Variants in CMYA5 observed in about 807,000 individuals in gnomAD.
CMYA5 encodes the protein cardiomyopathy associated 5.
Under a neutral mutation model 318.9 loss-of-function variants are expected in CMYA5, and 246 were observed. The ratio of observed to expected loss-of-function variants is 0.77; its 90% CI spans 0.70 to 0.86. The LOEUF is 0.86. Among genes scored for constraint, CMYA5 ranks in the 40% least tolerant of loss-of-function variants. The pLI, the probability that CMYA5 is intolerant of heterozygous loss-of-function variation, is 0.00. For synonymous variants in CMYA5, 1,641 were observed against 1,729.5 expected (o/e 0.95, Z 1.27); for missense variants, 4,589 against 4,678.2 (o/e 0.98, Z 0.56).
intron 2 of CMYA5, among the ~76,000 whole-genome samples, chr5:79,739,893 G>A (rs1050512859): frequency 1.3e-5 from 2 of 152,090 alleles, no homozygotes; most frequent in Admixed American, 6.6e-5. Context: ...TGAGGTGGGA[G>A]GATCAGTTGA....
chr5:79,690,316 A>T (rs2151072784), intron 1 of CMYA5, among the ~76,000 whole-genome samples: 1 of 152,194 alleles, frequency 6.6e-6, no homozygotes, highest in East Asian at 1.9e-4. Flanking sequence ...CTGAGGATTT[A>T]CTTAGGTCCT....
rs200307807 is a variant in CMYA5, at chr5:79,731,087, A to T, written c.2322A>T (p.Thr774=). 7 of 1,614,006 alleles carry T rather than the reference A, an allele frequency of 4.3e-6. No individual in the cohort carries two copies. In the South Asian group the frequency reaches 5.5e-5, roughly 13 times the overall value. Residue 774 remains threonine (T), a synonymous_variant, in exon 2 of 13, where the codon ACA becomes ACT. Transcript: ENST00000446378. ...ECQSPLPSTA[T]SEHVVPSEGE... is the part of the protein sequence containing the mutation. ...AGTCACCACTGCCTTCTACTGCCAC[A>T]TCAGAACACGTGGTCCCATCAGAAG...
intron 2 of CMYA5, among the ~76,000 whole-genome samples, chr5:79,740,785 C>T (rs1436568503): frequency 6.6e-6 from 1 of 152,194 alleles, no homozygotes; most frequent in African/African-American, 2.4e-5. Context: ...ATCCATTCTC[C>T]ATAGGGCAGC....
chr5:79,716,153 G>T (rs1827513001), intron 1 of CMYA5, among the ~76,000 whole-genome samples: 1 of 152,126 alleles, frequency 6.6e-6, no homozygotes, highest in South Asian at 2.1e-4. Context: ...GGTATGTGTG[G>T]CCATTTATTT....
At position 79,731,274 on chromosome 5, in the gene CMYA5, G is replaced by C; in HGVS notation, c.2509G>C (p.Gly837Arg). The change falls in exon 2 of 13, where the codon GGC becomes CGC. Residue 837 changes from glycine to arginine, a missense_variant. Physicochemically the swap from Gly to Arg is moderately radical, Grantham distance 125. Coordinates refer to ENST00000446378, the MANE Select transcript of CMYA5 (RefSeq NM_153610.5). ...TGAGCACACAGTTCTGTCAGTAGAC[G>C]GCAAGGAGGTCATTGGACCATCTTC... ...ISEHTVLSVD[G>R]KEVIGPSSPD... 3 of 1,613,910 alleles carry C rather than the reference G, an allele frequency of 1.9e-6. No individual in the cohort carries two copies. Among genetic ancestry groups the C allele is most frequent in the Non-Finnish European group, 2.5e-6 (3 of 1,179,868 alleles).
At chr5:79,753,450 G>A (rs1561219871) in intron 6 of CMYA5, among the ~76,000 whole-genome samples, 1 of 152,084 alleles carries the variant, frequency 6.6e-6, no homozygotes, top group Non-Finnish European at 1.5e-5. Context: ...ATGCTCAGGT[G>A]TCCTCCTTAA....
At chr5:79,713,804 C>A (rs1384612073) in intron 1 of CMYA5, among the ~76,000 whole-genome samples, 1 of 152,046 alleles carries the variant, frequency 6.6e-6, no homozygotes, top group African/African-American at 2.4e-5. Context: ...TTTATGCATG[C>A]GGCCCACATG....
At chr5:79,789,408 T>C (rs1317725180) in intron 10 of CMYA5, among the ~76,000 whole-genome samples, 1 of 146,140 alleles carries the variant, frequency 6.8e-6, no homozygotes, top group Non-Finnish European at 1.5e-5. Context: ...ACATTTATGT[T>C]TTTAGAAATC....
At chr5:79,795,999 C>T (rs901506052) in intron 12 of CMYA5, among the ~76,000 whole-genome samples, 2 of 152,322 alleles carry the variant, frequency 1.3e-5, no homozygotes, top group African/African-American at 4.8e-5. Context: ...TGTGCTCGGC[C>T]AGAAATGGAG....
At position 79,752,778 on chromosome 5, in the gene CMYA5, G is replaced by A; in HGVS notation, c.11094G>A (p.Met3698Ile). 6.2e-7 allele frequency: 1 copy of A among 1,612,028 alleles called. No homozygotes were observed. Among genetic ancestry groups the A allele is most frequent in the Non-Finnish European group, 8.5e-7 (1 of 1,178,534 alleles). ...YDDSSARSDQMLKQVAVPQPP... is the reference protein window; with the variant it reads ...YDDSSARSDQILKQVAVPQPP... The stretch of plus-strand genomic sequence containing the variant: ...ACAGCTCGGCAAGAAGTGACCAGAT[G>A]TTAAAACAAGTGGCTGGTAAGCATT... The change falls in exon 6 of 13, where the codon ATG becomes ATA. Residue 3698 changes from methionine (M) to isoleucine (I), a missense_variant. Physicochemically the swap from Met to Ile is conservative, Grantham distance 10. This residue lies in a region of CMYA5 where 2,431 missense variants were observed against 2,495.1 expected (regional missense o/e 0.97). Coordinates refer to ENST00000446378, the MANE Select transcript of CMYA5 (RefSeq NM_153610.5).
chr5:79,690,045 G>A lies in CMYA5; in HGVS notation c.138G>A (p.Glu46=). The A allele has an allele frequency of 6.9e-7, 1 of 1,455,524 alleles. No individual in the cohort carries two copies. Among genetic ancestry groups the A allele is most frequent in the Non-Finnish European group, 9.1e-7 (1 of 1,100,004 alleles). 90.2% of individuals were successfully genotyped at this position (1,455,524 alleles called of 1,614,324 possible). Residue 46 remains glutamate (E), a synonymous_variant, in exon 1 of 13, where the codon GAG becomes GAA. Transcript: ENST00000446378. ...AGACGGCGGCGGAGTCGGAGGAGGA[G>A]CCGGACTCCAGGTAGCGCGAGCCTC... ...EDETAAESEE[E]PDSRLSDQDE...
chr5:79,786,858 C>T (rs143745054), intron 9 of CMYA5, among the ~76,000 whole-genome samples: 26 of 152,286 alleles, frequency 1.7e-4, no homozygotes, highest in African/African-American at 6.0e-4. Context: ...CACCACATTT[C>T]GTATTACTTT....
At chr5:79,697,044 T>A (rs1054749341) in intron 1 of CMYA5, among the ~76,000 whole-genome samples, 7 of 152,188 alleles carry the variant, frequency 4.6e-5, no homozygotes, top group African/African-American at 1.7e-4. Flanking sequence ...GAAAAGAGAC[T>A]TATTCATTCA....
chr5:79,692,088 A>G (rs1826980090), intron 1 of CMYA5, among the ~76,000 whole-genome samples: 1 of 152,208 alleles, frequency 6.6e-6, no homozygotes. Flanking sequence ...CCAGGTAGCC[A>G]GCTGGAGAGA....
intron 1 of CMYA5, among the ~76,000 whole-genome samples, chr5:79,707,263 C>A (rs912258414): frequency 6.6e-6 from 1 of 152,132 alleles, no homozygotes; most frequent in Admixed American, 6.5e-5. Context: ...GAACGGCCCA[C>A]TCAGCATAAC....
intron 1 of CMYA5, among the ~76,000 whole-genome samples, chr5:79,709,866 CAGG>C (rs1251448442): frequency 7.3e-6 from 1 of 136,836 alleles, no homozygotes; most frequent in Non-Finnish European, 1.5e-5. Flanking sequence ...GAGGCTGAGG[CAGG>C]AGAATTGCTT....
chr5:79,785,904 A>G (rs1000851967), intron 9 of CMYA5, among the ~76,000 whole-genome samples: 2 of 152,182 alleles, frequency 1.3e-5, no homozygotes, highest in African/African-American at 4.8e-5. Context: ...CAAACTTTCC[A>G]GTTGCTCCTT....
Position 79,799,618 on chromosome 5 carries a change from C to A in CMYA5, c.*2C>A. The A allele has an allele frequency of 1.9e-6, 3 of 1,602,476 alleles. No individual in the cohort carries two copies. The highest frequency in any genetic ancestry group is 2.2e-5 in the South Asian group (2 of 90,080). On this transcript the variant is annotated 3_prime_UTR_variant, in exon 13 of 13. Transcript: ENST00000446378. ...CCGGATTCTGTAAGGCACAAGTGAT[C>A]CTTGGCTTTCAGAATTTGCAAGAAC... is the stretch of plus-strand genomic sequence containing the variant.
In CMYA5 at chr5:79,799,864, CT is replaced by C; in HGVS notation, c.*249del. 1 of 199,848 alleles carries C rather than the reference CT, an allele frequency of 5.0e-6. No homozygotes were observed. 12.4% of individuals were successfully genotyped at this position (199,848 alleles called of 1,614,324 possible). On this transcript the variant is annotated 3_prime_UTR_variant, in exon 13 of 13. Coordinates refer to ENST00000446378, the MANE Select transcript of CMYA5 (RefSeq NM_153610.5). Reference sequence around the variant, plus strand: ...AGTTTATATAAGTTTGAGTTCTTTCCTAAATTAAAAGATCTACACTTGAGTT... The same window carrying C: ...AGTTTATATAAGTTTGAGTTCTTTCCAAATTAAAAGATCTACACTTGAGTT...
Sources: allele counts gnomAD v4.1 joint callset (sites outside exome capture counted in the v4.1 genomes callset), GRCh38; gene constraint gnomAD v4.1.1; regional missense constraint gnomAD v4.1.1; transcripts MANE v1.5; gene names NCBI Gene and HGNC (gene_info 2026-07-23, HGNC 2026-07-21).